Variants in GRM3 observed in about 807,000 individuals in gnomAD.
GRM3 encodes the protein metabotropic glutamate receptor 3.
GRM3 carries 26 observed loss-of-function variants against 70.5 expected under a neutral mutation model. The observed-to-expected ratio is 0.37, with a 90% confidence interval of 0.27 to 0.51. The LOEUF is 0.51. Among genes scored for constraint, GRM3 ranks in the 20% least tolerant of loss-of-function variants. The probability of loss-of-function intolerance (pLI) is 0.93; values close to 1 mark genes in which losing one functional copy is unlikely to be tolerated. For missense variants in GRM3, 859 were observed against 1,123.8 expected, an observed-to-expected ratio of 0.76 and a Z score of 3.37; for synonymous variants, 443 against 434.9, an observed-to-expected ratio of 1.02 and a Z score of -0.23.
At chr7:86,855,535 G>T (rs1274804066) in intron 5 of GRM3, among the ~76,000 whole-genome samples, 1 of 152,088 alleles carries the variant, frequency 6.6e-6, no homozygotes, top group East Asian at 1.9e-4. Context: ...GGAGCTGTAG[G>T]CATATGGAGA....
At chr7:86,854,962 A>G (rs2115584786) in intron 5 of GRM3, among the ~76,000 whole-genome samples, 1 of 152,314 alleles carries the variant, frequency 6.6e-6, no homozygotes, top group African/African-American at 2.4e-5. Context: ...CATTTCCAGC[A>G]TAGAAGAACC....
At chr7:86,828,028 T>C (rs1180727523) in intron 3 of GRM3, among the ~76,000 whole-genome samples, 2 of 143,854 alleles carry the variant, frequency 1.4e-5, no homozygotes, top group Non-Finnish European at 3.0e-5. Context: ...GGGAGAATGG[T>C]GTGAACCCGG....
intron 1 of GRM3, among the ~76,000 whole-genome samples, chr7:86,760,904 T>G (rs1320951320): frequency 6.6e-6 from 1 of 152,096 alleles, no homozygotes; most frequent in Non-Finnish European, 1.5e-5. Context: ...CCCAACTTAT[T>G]TTTATGGTCT....
At chr7:86,667,255 G>C (rs1020552084) in intron 1 of GRM3, among the ~76,000 whole-genome samples, 1 of 152,028 alleles carries the variant, frequency 6.6e-6, no homozygotes, top group African/African-American at 2.4e-5. Context: ...CAGAATTAAG[G>C]GCATAGAATA....
chr7:86,778,945 C>T (rs183121614), intron 2 of GRM3, among the ~76,000 whole-genome samples: 268 of 152,170 alleles, frequency 1.8e-3, no homozygotes, highest in Admixed American at 9.8e-3. Context: ...GTTCCTAATT[C>T]AGTATGACTG....
intron 2 of GRM3, among the ~76,000 whole-genome samples, chr7:86,777,579 A>G (rs958135483): frequency 1.3e-5 from 2 of 152,140 alleles, no homozygotes; most frequent in African/African-American, 4.8e-5. Context: ...TCATTATACG[A>G]TTTCTAAAAT....
intron 2 of GRM3, among the ~76,000 whole-genome samples, chr7:86,772,675 A>T (rs530805920): frequency 6.6e-6 from 1 of 152,216 alleles, no homozygotes; most frequent in East Asian, 1.9e-4. Flanking sequence ...TTTATGCCAG[A>T]TGCTGTGCTT....
At chr7:86,846,829 A>C (rs1054992891) in intron 4 of GRM3, among the ~76,000 whole-genome samples, 1 of 152,194 alleles carries the variant, frequency 6.6e-6, no homozygotes, top group African/African-American at 2.4e-5. Flanking sequence ...CTTTCTGAAA[A>C]AGCCATGTGT....
rs1393238432 is a variant in GRM3, at chr7:86,864,826, G to C, written c.*471G>C. ...TGATTTTCTCAGCACAAAATAAAAA[G>C]CATCTGTATTAATGTAAAGATACTG... On this transcript the variant is annotated 3_prime_UTR_variant, in exon 6 of 6. Transcript: ENST00000361669. 1 of 152,954 alleles carries C rather than the reference G, an allele frequency of 6.5e-6. No homozygotes were observed. Among genetic ancestry groups the C allele is most frequent in the Admixed American group, 6.5e-5 (1 of 15,306 alleles). The allele number at this position is 152,954 out of a possible 1,614,324, so 9.5% of individuals were successfully genotyped here.
At chr7:86,790,430 C>A (rs1244016917) in intron 3 of GRM3, among the ~76,000 whole-genome samples, 1 of 152,128 alleles carries the variant, frequency 6.6e-6, no homozygotes, top group African/African-American at 2.4e-5. Flanking sequence ...TCTGTGATAG[C>A]CTCCTAGTTG....
chr7:86,762,177 A>G (rs1796495719), intron 1 of GRM3, among the ~76,000 whole-genome samples: 1 of 152,170 alleles, frequency 6.6e-6, no homozygotes. Flanking sequence ...CAAAGAGACC[A>G]GAAATTGATA....
intron 3 of GRM3, among the ~76,000 whole-genome samples, chr7:86,809,379 C>T (rs1797864984): frequency 6.6e-6 from 1 of 152,042 alleles, no homozygotes; most frequent in Admixed American, 6.6e-5. Context: ...TTTAAAAATT[C>T]ACAGAGGGAT....
chr7:86,792,950 A>C (rs1797456139), intron 3 of GRM3, among the ~76,000 whole-genome samples: 1 of 151,826 alleles, frequency 6.6e-6, no homozygotes, highest in Admixed American at 6.6e-5. Context: ...TAGTATGTAC[A>C]GCTAAGCTAA....
At chr7:86,688,084 C>T (rs973760895) in intron 1 of GRM3, among the ~76,000 whole-genome samples, 5 of 151,554 alleles carry the variant, frequency 3.3e-5, no homozygotes, top group African/African-American at 4.8e-5. Flanking sequence ...ATCTGCATTT[C>T]ACTCTGTTTA....
At chr7:86,704,972 G>A (rs1795025147) in intron 1 of GRM3, among the ~76,000 whole-genome samples, 1 of 151,770 alleles carries the variant, frequency 6.6e-6, no homozygotes, top group Admixed American at 6.6e-5. Context: ...TCTTGAGAAT[G>A]GTGTTGAATG....
chr7:86,725,944 C>T (rs1474397278), intron 1 of GRM3, among the ~76,000 whole-genome samples: 1 of 152,142 alleles, frequency 6.6e-6, no homozygotes, highest in Middle Eastern at 3.2e-3. Flanking sequence ...ATTTATAAGA[C>T]ACTGCCCTCA....
intron 1 of GRM3, among the ~76,000 whole-genome samples, chr7:86,743,788 G>C (rs1055607238): frequency 2.0e-5 from 3 of 152,138 alleles, no homozygotes; most frequent in Admixed American, 1.3e-4. Flanking sequence ...CTAGAAAAGA[G>C]TGTTCAGCCC....
chr7:86,809,756 G>A (rs1027259015), intron 3 of GRM3, among the ~76,000 whole-genome samples: 6 of 151,954 alleles, frequency 3.9e-5, no homozygotes, highest in Non-Finnish European at 5.9e-5. Flanking sequence ...AAAGGCAAGC[G>A]TGTATTTTGA....
At chr7:86,864,189 C>T (rs537165093) in intron 5 of GRM3, 93 bp from the exon 6 acceptor site, 1 of 740,834 alleles carries the variant, frequency 1.3e-6, no homozygotes, top group Admixed American at 1.8e-5. Context: ...CACCCTTCCC[C>T]CCGAGTCCCC....
Sources: gnomAD v4.1 joint callset for allele counts (sites outside exome capture counted in the v4.1 genomes callset) on GRCh38, gnomAD v4.1.1 for gene constraint, MANE v1.5 for transcripts, NCBI Gene and HGNC (gene_info 2026-07-23, HGNC 2026-07-21) for gene names.